The following CTNND2 variants were observed in gnomAD, a reference collection of about 807,000 sequenced individuals.
CTNND2 encodes catenin delta 2, also known as catenin delta-2.
Under a neutral mutation model 144.4 loss-of-function variants are expected in CTNND2, and 22 were observed. That is an observed-to-expected ratio of 0.15 (90% CI 0.11 to 0.22). The LOEUF is 0.22. Ranked by LOEUF, CTNND2 falls within the 10% of genes least tolerant of loss-of-function variation. CTNND2 has a pLI of 1.00. For synonymous variants in CTNND2, 751 were observed against 695.6 expected (o/e 1.08, Z -1.25); for missense variants, 1,353 against 1,618.8 (o/e 0.84, Z 2.82).
intron 9 of CTNND2, among the ~76,000 whole-genome samples, chr5:11,302,711 T>C (rs1749743843): frequency 6.6e-6 from 1 of 152,302 alleles, no homozygotes; most frequent in Middle Eastern, 3.4e-3. Context: ...GATGTGACCA[T>C]GGCTTCCCAG....
chr5:11,513,793 A>G (rs536808027), intron 3 of CTNND2, among the ~76,000 whole-genome samples: 10 of 152,166 alleles, frequency 6.6e-5, no homozygotes, highest in Admixed American at 5.2e-4. Context: ...ACTATATAGT[A>G]TGTGTGGTCT....
chr5:11,892,258 T>C (rs1054768449), intron 1 of CTNND2, among the ~76,000 whole-genome samples: 3 of 152,232 alleles, frequency 2.0e-5, no homozygotes, highest in Non-Finnish European at 4.4e-5. Flanking sequence ...AAAGAGTACA[T>C]ATAGCACCAG....
At chr5:11,744,685 T>TTGTGTGTGTGTGTGTTTG (rs61002492) in intron 1 of CTNND2, among the ~76,000 whole-genome samples, 1 of 147,748 alleles carries the variant, frequency 6.8e-6, no homozygotes, top group East Asian at 2.0e-4. Flanking sequence ...GTGTGTGTGT[T>TTGTGTGTGTGTGTGTTTG]TGTGTGTGTG....
intron 3 of CTNND2, among the ~76,000 whole-genome samples, chr5:11,454,836 A>G (rs1297455097): frequency 1.3e-5 from 2 of 151,732 alleles, no homozygotes; most frequent in African/African-American, 4.8e-5. Flanking sequence ...TCCTGAGCTC[A>G]GGCAATCCGC....
At chr5:11,189,526 T>C (rs911736533) in intron 11 of CTNND2, among the ~76,000 whole-genome samples, 1 of 152,218 alleles carries the variant, frequency 6.6e-6, no homozygotes, top group African/African-American at 2.4e-5. Context: ...AGTGCATACA[T>C]ATTTTCTCTT....
At chr5:11,496,102 C>A (rs369031294) in intron 3 of CTNND2, among the ~76,000 whole-genome samples, 19 of 152,142 alleles carry the variant, frequency 1.2e-4, no homozygotes, top group Non-Finnish European at 2.6e-4. Context: ...TGAACACAAT[C>A]CCCCCATTAC....
At chr5:11,858,629 A>G (rs1048902016) in intron 1 of CTNND2, among the ~76,000 whole-genome samples, 12 of 152,224 alleles carry the variant, frequency 7.9e-5, no homozygotes, top group African/African-American at 2.7e-4. Context: ...TAAAACAACA[A>G]TAAGAATAAG....
At chr5:11,851,029 G>A (rs542311391) in intron 1 of CTNND2, among the ~76,000 whole-genome samples, 34 of 152,266 alleles carry the variant, frequency 2.2e-4, no homozygotes, top group Non-Finnish European at 4.3e-4. Flanking sequence ...GAACTTAAGA[G>A]AAAAGACGGA....
At chr5:10,992,764 T>G in intron 18 of CTNND2, 87 bp from the exon 19 acceptor site, 1 of 1,518,872 alleles carries the variant, frequency 6.6e-7, no homozygotes, top group Non-Finnish European at 8.9e-7. Flanking sequence ...GTATCTGGAT[T>G]TGCATAATAT....
chr5:11,227,206 A>G (rs368488553), intron 10 of CTNND2, among the ~76,000 whole-genome samples: 1 of 152,242 alleles, frequency 6.6e-6, no homozygotes, highest in Non-Finnish European at 1.5e-5. Flanking sequence ...ATTTTGCAGC[A>G]CATGCTAAAA....
intron 16 of CTNND2, among the ~76,000 whole-genome samples, chr5:11,033,752 C>T (rs1041159949): frequency 1.3e-5 from 2 of 152,110 alleles, no homozygotes; most frequent in African/African-American, 4.8e-5. Flanking sequence ...ATCGCTTGAA[C>T]CTGGGAGGCA....
intron 1 of CTNND2, among the ~76,000 whole-genome samples, chr5:11,811,323 C>T (rs1186259136): frequency 6.6e-6 from 1 of 152,120 alleles, no homozygotes; most frequent in East Asian, 1.9e-4. Flanking sequence ...ACTTAAAACA[C>T]CACCTCCCGT....
intron 13 of CTNND2, among the ~76,000 whole-genome samples, chr5:11,111,818 G>A (rs186088220): frequency 5.5e-4 from 84 of 152,034 alleles, no homozygotes; most frequent in Non-Finnish European, 1.0e-3. Flanking sequence ...TGTGTGGTAC[G>A]CAGAATAATG....
intron 2 of CTNND2, among the ~76,000 whole-genome samples, chr5:11,647,166 A>G (rs1483489863): frequency 6.6e-6 from 1 of 151,572 alleles, no homozygotes; most frequent in Non-Finnish European, 1.5e-5. Flanking sequence ...TTTCAGCTGG[A>G]CTCCATGGTG....
At chr5:11,437,982 T>C (rs919674817) in intron 3 of CTNND2, among the ~76,000 whole-genome samples, 1 of 152,210 alleles carries the variant, frequency 6.6e-6, no homozygotes, top group African/African-American at 2.4e-5. Flanking sequence ...TAGGCTGTTA[T>C]GTGTTATCTT....
rs781670382 is a variant in CTNND2, at chr5:11,199,547, C to T, written c.1876G>A (p.Asp626Asn). The change falls in exon 11 of 22, where the codon GAT becomes AAT. Residue 626 changes from aspartate (D) to asparagine (N), a missense_variant. Asp to Asn is a conservative substitution (Grantham distance 23, BLOSUM62 1). Around this residue, in one of 4 missense-constraint regions of CTNND2, gnomAD observed 117 missense variants for 117.8 expected, o/e 0.99. Coordinates refer to ENST00000304623, the MANE Select transcript of CTNND2 (RefSeq NM_001332.4). ...TTTTTCAGGGCAATTTTGTTATCATCGTTGGCCTTCCCATACACCAGGTTT... is the reference window on the plus strand; with the variant it reads ...TTTTTCAGGGCAATTTTGTTATCATTGTTGGCCTTCCCATACACCAGGTTT... ...LRNLVYGKAN[D>N]DNKIALKNCG... 8.1e-6 allele frequency: 13 copies of T among 1,614,198 alleles called. No individual in the cohort carries two copies. The highest frequency in any genetic ancestry group is 1.0e-5 in the Non-Finnish European group (12 of 1,180,040).
At chr5:11,065,211 G>T (rs780544174) in intron 16 of CTNND2, among the ~76,000 whole-genome samples, 1 of 152,164 alleles carries the variant, frequency 6.6e-6, no homozygotes, top group Non-Finnish European at 1.5e-5. Context: ...AGTCACCTGG[G>T]CCTTTCCCAC....
intron 1 of CTNND2, among the ~76,000 whole-genome samples, chr5:11,746,235 G>A (rs1788309198): frequency 6.6e-6 from 1 of 152,128 alleles, no homozygotes; most frequent in Admixed American, 6.6e-5. Context: ...TGCCAATTCA[G>A]TTTACCACAA....
intron 3 of CTNND2, among the ~76,000 whole-genome samples, chr5:11,546,429 T>C (rs1266650713): frequency 1.3e-5 from 2 of 151,952 alleles, no homozygotes; most frequent in African/African-American, 2.4e-5. Context: ...ATTGTAAGAT[T>C]TTTAGAAGAA....
Sources: allele counts gnomAD v4.1 joint callset (sites outside exome capture counted in the v4.1 genomes callset), GRCh38; gene constraint gnomAD v4.1.1; regional missense constraint gnomAD v4.1.1; transcripts MANE v1.5; gene names NCBI Gene and HGNC (gene_info 2026-07-23, HGNC 2026-07-21).